Variants in IFT172 observed in about 807,000 individuals in gnomAD.
IFT172 encodes the protein intraflagellar transport protein 172 homolog.
In IFT172, 164 loss-of-function variants were observed where a neutral mutation model predicts 248.9. That is an observed-to-expected ratio of 0.66 (90% CI 0.58 to 0.75). The LOEUF (loss-of-function observed/expected upper bound fraction) is 0.75. IFT172 is among the 30% of genes least tolerant of loss of function. The probability of loss-of-function intolerance (pLI) is 0.00; values close to 1 mark genes in which losing one functional copy is unlikely to be tolerated. For missense variants in IFT172, 1,950 were observed against 2,192.4 expected (o/e 0.89, Z 2.21); for synonymous variants, 729 against 791.6 (o/e 0.92, Z 1.33).
At position 27,445,979 on chromosome 2, in the gene IFT172, A is replaced by G; in HGVS notation, c.4765T>C (p.Trp1589Arg). 6.2e-6 allele frequency: 10 copies of G among 1,614,264 alleles called. No individual in the cohort carries two copies. The highest frequency in any genetic ancestry group is 8.5e-6 in the Non-Finnish European group (10 of 1,180,040). Reference sequence around the variant, plus strand: ...AGGAAGATGAATGCCATGTTATCCCAGCCAACTGCCTGCAGCAAAGAAGAG... The same window carrying G: ...AGGAAGATGAATGCCATGTTATCCCGGCCAACTGCCTGCAGCAAAGAAGAG... The part of the protein sequence containing the change: ...EAGIAAKAVG[W>R]DNMAFIFLNR... Residue 1589 changes from tryptophan (W) to arginine (R), a missense_variant, in exon 44 of 48, where the codon TGG (tryptophan) becomes CGG (arginine). By Grantham distance (101) the Trp-to-Arg change is moderately radical. This residue lies in a region of IFT172 where 620 missense variants were observed against 699.0 expected (regional missense o/e 0.89). Transcript: ENST00000260570. This position sits in a 1 kb window ranked among gnomAD's most constrained non-coding sequence, Gnocchi z 4.4.
chr2:27,462,151 G>A (rs1666729187), intron 20 of IFT172, among the ~76,000 whole-genome samples: 1 of 152,088 alleles, frequency 6.6e-6, no homozygotes, highest in Non-Finnish European at 1.5e-5. Flanking sequence ...TCCCACCTCA[G>A]CCTCCCGAGT....
chr2:27,451,931 T>C (rs1358917975), intron 35 of IFT172, among the ~76,000 whole-genome samples: 1 of 151,938 alleles, frequency 6.6e-6, no homozygotes, highest in African/African-American at 2.4e-5. Context: ...ATTTAAACTA[T>C]ACCTGCATCC....
In IFT172 at chr2:27,464,925, A is replaced by ATT. The variant is rs576114900; in HGVS notation, c.1937+484_1937+485dup. 3.1e-3 allele frequency among the ~76,000 whole-genome samples: 434 copies of ATT among 142,254 alleles called. 5 individuals are homozygous for ATT. The highest frequency in any genetic ancestry group is 9.1e-3 in the African/African-American group (349 of 38,540). The allele number at this position is 142,254 out of a possible 152,430, so 93.3% of individuals were successfully genotyped here. On this transcript the variant is annotated intron_variant, in intron 18 of 47. Coordinates refer to ENST00000260570, the MANE Select transcript of IFT172 (RefSeq NM_015662.3). ...GAGCCGCCGTGCCCAGCCAAGACAT[A>ATT]TTTTTTTTTTTTTTGAGACAGAGTC...
In IFT172 at chr2:27,456,731, A is replaced by T. The variant is rs1402336512; in HGVS notation, c.3229-78T>A. ...ATCTCTGACCTCGGCTTTGACAAGG[A>T]TCCAGTAACTGTTCTAAATTGAACA... On this transcript the variant is annotated intron_variant, in intron 29 of 47. Transcript: ENST00000260570. 2.6e-6 allele frequency: 4 copies of T among 1,549,342 alleles called. No individual in the cohort carries two copies. The East Asian group carries it at 9.0e-5, about 35-fold the overall frequency.
In IFT172 at chr2:27,445,502, G is replaced by C; in HGVS notation, c.4915-53C>G. 6.4e-7 allele frequency: 1 copy of C among 1,567,444 alleles called. No homozygotes were observed. The highest frequency in any genetic ancestry group is 1.2e-5 in the South Asian group (1 of 85,526). On this transcript the variant is annotated intron_variant, in intron 45 of 47. Coordinates refer to ENST00000260570, the MANE Select transcript of IFT172 (RefSeq NM_015662.3). This position sits in a 1 kb window ranked among gnomAD's most constrained non-coding sequence, Gnocchi z 4.4. ...CTTCACACAGGGCAGGGCAGGACAA[G>C]TTGGGGTGGATGGGTGAGGAGGGGG...
intron 1 of IFT172, among the ~76,000 whole-genome samples, chr2:27,487,361 T>G (rs930250759): frequency 6.6e-6 from 1 of 152,296 alleles, no homozygotes; most frequent in South Asian, 2.1e-4. Context: ...ATTTTTTTAT[T>G]AAGTGAGGTA....
intron 25 of IFT172, chr2:27,459,097 C>T (rs1436183257): frequency 4.8e-6 from 3 of 620,114 alleles, no homozygotes; most frequent in Non-Finnish European, 8.2e-6. Context: ...CAATGCAAAG[C>T]AATTTTATAT....
At chr2:27,465,258 GA>G in intron 18 of IFT172, 152 bp downstream of exon 18, 1 of 657,904 alleles carries the variant, frequency 1.5e-6, no homozygotes, top group East Asian at 2.7e-5. Context: ...AGAGTGTTTG[GA>G]ATATTGTACT....
chr2:27,488,042 G>A (rs964289195), intron 1 of IFT172, among the ~76,000 whole-genome samples: 6 of 152,146 alleles, frequency 3.9e-5, no homozygotes, highest in Non-Finnish European at 8.8e-5. Context: ...GAGTGCAGTG[G>A]TGTGATCACG....
Position 27,477,684 on chromosome 2 carries a change from C to T in IFT172, c.1168-72G>A, listed in dbSNP as rs144232583. On this transcript the variant is annotated intron_variant, in intron 11 of 47. Transcript: ENST00000260570. ...ATAATGCCGAAAGAATGAAGAATGA[C>T]AGGTTGGGAAGTGGAAAGATATATT... 1.0e-3 allele frequency: 1,108 copies of T among 1,098,302 alleles called. 10 individuals are homozygous for T. The African/African-American group carries it at 0.015, about 15-fold the overall frequency. 68.0% of individuals were successfully genotyped at this position (1,098,302 alleles called of 1,614,324 possible). A position where few individuals can be genotyped will look rare whatever the true frequency, so the allele number is the denominator to read the frequency against.
chr2:27,487,345 C>A (rs1429707407), intron 1 of IFT172, among the ~76,000 whole-genome samples: 1 of 152,154 alleles, frequency 6.6e-6, no homozygotes, highest in South Asian at 2.1e-4. Context: ...ATATGTACCT[C>A]ACTAGATTTT....
rs748027932 is a variant in IFT172, at chr2:27,447,653, A to G, written c.4540-19T>C. ...TTTCACACTAGAGGAGGGAGACAGC[A>G]CAGCCTGGCTCAGGGGTCAGAGGAG... On this transcript the variant is annotated intron_variant, in intron 41 of 47. Coordinates refer to ENST00000260570, the MANE Select transcript of IFT172 (RefSeq NM_015662.3). 1 of 1,614,068 alleles carries G rather than the reference A, an allele frequency of 6.2e-7. No homozygotes were observed. Among genetic ancestry groups the G allele is most frequent in the Non-Finnish European group, 8.5e-7 (1 of 1,180,036 alleles).
Position 27,445,082 on chromosome 2 carries a change from T to C in IFT172, c.5092A>G (p.Ile1698Val). 1 of 1,612,532 alleles carries C rather than the reference T, an allele frequency of 6.2e-7. No homozygotes were observed. The highest frequency in any genetic ancestry group is 8.5e-7 in the Non-Finnish European group (1 of 1,179,260). The change falls in exon 47 of 48, where the codon ATT becomes GTT. Residue 1698 changes from isoleucine to valine, a missense_variant. Around this residue, in one of 3 missense-constraint regions of IFT172, gnomAD observed 620 missense variants for 699.0 expected, o/e 0.89. Transcript: ENST00000260570. This position sits in a 1 kb window ranked among gnomAD's most constrained non-coding sequence, Gnocchi z 4.4. ...ITGYPILRNK[I>V]EFKRPGKAAN... ...GCCTTCCCTGGCCGCTTAAATTCAA[T>C]TTTGTTCCTCAGAATGGGGTATCCT...
rs763269392 is a variant in IFT172, at chr2:27,461,814, C to A, written c.2138G>T (p.Gly713Val). Residue 713 changes from glycine (G) to valine (V), a missense_variant, in exon 21 of 48, where the codon GGC (glycine) becomes GTC (valine). Transcript: ENST00000260570. ...LEQNAVEEAM[G>V]MYQELHRWDE... ...CCAACGGTGTAGCTCCTGGTACATG[C>A]CCATGGCCTCCTCCACAGCATTCTA... The A allele has an allele frequency of 6.2e-7, 1 of 1,614,052 alleles. No individual in the cohort carries two copies. Among genetic ancestry groups the A allele is most frequent in the Non-Finnish European group, 8.5e-7 (1 of 1,180,048 alleles).
At chr2:27,484,202 T>A in intron 4 of IFT172, 25 bp downstream of exon 4, 1 of 1,613,902 alleles carries the variant, frequency 6.2e-7, no homozygotes, top group African/African-American at 1.3e-5. Context: ...CATCCTAAGG[T>A]TCCAGGGACT....
chr2:27,457,626 C>T lies in IFT172; in HGVS notation c.3228+13G>A, dbSNP rs995055035. 1.9e-6 allele frequency: 3 copies of T among 1,607,496 alleles called. No individual in the cohort carries two copies. Among genetic ancestry groups the T allele is most frequent in the Non-Finnish European group, 8.5e-7 (1 of 1,174,284 alleles). ...GGATGGATGTATCCCTCAGTGTGGC[C>T]TGAACTCCTTACCCTGTAGGCCTCT... On this transcript the variant is annotated intron_variant, in intron 29 of 47. Transcript: ENST00000260570.
chr2:27,458,282 C>G, intron 26 of IFT172, 59 bp from the exon 27 acceptor site: 1 of 1,393,864 alleles, frequency 7.2e-7, no homozygotes, highest in Non-Finnish European at 1.0e-6. Context: ...AGCAGGGCTT[C>G]AAGGAAACCT....
chr2:27,464,024 C>T (rs1201395674), intron 18 of IFT172, among the ~76,000 whole-genome samples: 1 of 152,164 alleles, frequency 6.6e-6, no homozygotes, highest in Non-Finnish European at 1.5e-5. Flanking sequence ...AAAAAATGAC[C>T]TCAGCTGCTC....
chr2:27,487,873 C>T (rs1206560631), intron 1 of IFT172, among the ~76,000 whole-genome samples: 5 of 152,180 alleles, frequency 3.3e-5, no homozygotes, highest in African/African-American at 9.7e-5. Flanking sequence ...GCATGAACCA[C>T]TGCGCCTGGC....
Sources: gnomAD v4.1 joint callset for allele counts (sites outside exome capture counted in the v4.1 genomes callset) on GRCh38, gnomAD v4.1.1 for gene constraint, gnomAD v4.1.1 regional missense constraint, Gnocchi (gnomAD v3.1) non-coding constraint, MANE v1.5 for transcripts, NCBI Gene and HGNC (gene_info 2026-07-23, HGNC 2026-07-21) for gene names.